NRXN3: variants seen among roughly 807,000 people sequenced by gnomAD.
NRXN3 encodes neurexin 3.
Under a neutral mutation model 137.6 loss-of-function variants are expected in NRXN3, and 32 were observed. The observed-to-expected ratio is 0.23, with a 90% CI of 0.18 to 0.31. NRXN3 has a LOEUF of 0.31. Among genes scored for constraint, NRXN3 ranks in the 10% least tolerant of loss-of-function variants. The pLI is 1.00. For synonymous variants in NRXN3, 798 were observed against 784.5 expected (o/e 1.02, Z -0.29); for missense variants, 1,574 against 2,062.5 (o/e 0.76, Z 4.59).
chr14:78,900,164 C>T (rs2099190836), intron 10 of NRXN3, among the ~76,000 whole-genome samples: 2 of 151,938 alleles, frequency 1.3e-5, no homozygotes, highest in Non-Finnish European at 2.9e-5. Flanking sequence ...TGTTCTGACA[C>T]CATTTTTTAA....
At chr14:79,402,088 ATTTTTTATTTTATTT>A (rs1342683644) in intron 15 of NRXN3, among the ~76,000 whole-genome samples, 1 of 151,648 alleles carries the variant, frequency 6.6e-6, no homozygotes, top group Non-Finnish European at 1.5e-5. Flanking sequence ...GGCTATTTTA[ATTTTTTATTTTATTT>A]TTTTTTATTT....
intron 4 of NRXN3, among the ~76,000 whole-genome samples, chr14:78,350,679 C>T (rs1218247232): frequency 6.6e-6 from 1 of 151,996 alleles, no homozygotes; most frequent in Non-Finnish European, 1.5e-5. Flanking sequence ...AGAAAAATCA[C>T]CCTGGTAACA....
chr14:78,419,073 G>C (rs2093307310), intron 4 of NRXN3, among the ~76,000 whole-genome samples: 1 of 152,144 alleles, frequency 6.6e-6, no homozygotes, highest in African/African-American at 2.4e-5. Flanking sequence ...TTACCCCTCA[G>C]CACCATCTTT....
chr14:79,186,589 A>G (rs940468082), intron 15 of NRXN3, among the ~76,000 whole-genome samples: 5 of 152,224 alleles, frequency 3.3e-5, no homozygotes, highest in Admixed American at 2.0e-4. Flanking sequence ...TCTATCCTTT[A>G]GAAAGAAACT....
chr14:79,438,853 G>A (rs556488425), intron 15 of NRXN3, among the ~76,000 whole-genome samples: 3 of 152,342 alleles, frequency 2.0e-5, no homozygotes, highest in South Asian at 4.1e-4. Context: ...GAGCCTCCAA[G>A]TAGAAGCCCG....
At chr14:78,711,117 G>C (rs2098403525) in intron 7 of NRXN3, among the ~76,000 whole-genome samples, 1 of 151,946 alleles carries the variant, frequency 6.6e-6, no homozygotes, top group Non-Finnish European at 1.5e-5. Flanking sequence ...AAACACTGCT[G>C]TTGGTTTTTA....
At chr14:78,226,295 G>C (rs1210192611) in intron 1 of NRXN3, among the ~76,000 whole-genome samples, 2 of 152,182 alleles carry the variant, frequency 1.3e-5, no homozygotes, top group Admixed American at 1.3e-4. Context: ...GAGCCACCGG[G>C]TCCGGCCCAA....
intron 15 of NRXN3, among the ~76,000 whole-genome samples, chr14:79,365,255 G>A (rs1454297976): frequency 6.6e-6 from 1 of 152,260 alleles, no homozygotes; most frequent in Middle Eastern, 3.4e-3. Flanking sequence ...ACTGCAGACC[G>A]AGAGCAGAAA....
intron 4 of NRXN3, among the ~76,000 whole-genome samples, chr14:78,447,822 C>A (rs75355889): frequency 0.027 from 4,093 of 152,256 alleles, 179 homozygotes; most frequent in African/African-American, 0.086. Flanking sequence ...TTATAGCCTA[C>A]CTTTCTTCAT....
At chr14:79,314,855 C>A (rs2088154611) in intron 15 of NRXN3, among the ~76,000 whole-genome samples, 1 of 150,672 alleles carries the variant, frequency 6.6e-6, no homozygotes. Context: ...GCTGAGGGTC[C>A]TGTCTGTTAG....
chr14:78,720,270 A>G (rs759163682), intron 8 of NRXN3, among the ~76,000 whole-genome samples: 6 of 152,182 alleles, frequency 3.9e-5, no homozygotes, highest in Non-Finnish European at 8.8e-5. Flanking sequence ...CTAGTTGTCT[A>G]CTTGACATCT....
chr14:78,173,437 G>GAC lies in NRXN3; in HGVS notation c.-704+2764_-704+2765dup, dbSNP rs113080819. On this transcript the variant is annotated intron_variant, in intron 1 of 20. Coordinates refer to ENST00000335750, the MANE Select transcript of NRXN3 (RefSeq NM_001330195.2). Reference sequence around the variant, plus strand: ...ATGGAGAGGCAGCGGAGAGATGGGGGACGGGTTGTCAGTCTTGGATGAACA... The same window carrying GAC: ...ATGGAGAGGCAGCGGAGAGATGGGGGACACGGGTTGTCAGTCTTGGATGAACA... Among the ~76,000 whole-genome samples, 1,309 of 151,440 alleles carry GAC rather than the reference G, an allele frequency of 8.6e-3. 19 individuals are homozygous for GAC. The highest frequency in any genetic ancestry group is 0.029 in the African/African-American group (1,182 of 41,384).
intron 6 of NRXN3, among the ~76,000 whole-genome samples, chr14:78,671,169 T>G (rs368884295): frequency 3.9e-5 from 6 of 152,132 alleles, no homozygotes; most frequent in South Asian, 2.1e-4. Context: ...GTAGGAAGTT[T>G]CCAGGTATAT....
intron 15 of NRXN3, among the ~76,000 whole-genome samples, chr14:79,427,061 A>T (rs1364880271): frequency 6.6e-6 from 1 of 152,098 alleles, no homozygotes; most frequent in Non-Finnish European, 1.5e-5. Context: ...TCTGTAAGAG[A>T]TTTAACAGAA....
chr14:78,274,957 G>A (rs2073365728), intron 2 of NRXN3, among the ~76,000 whole-genome samples: 1 of 152,172 alleles, frequency 6.6e-6, no homozygotes, highest in South Asian at 2.1e-4. Flanking sequence ...GGAGTAATGT[G>A]AGCCAGTCCT....
At chr14:79,269,712 A>G (rs1256721113) in intron 15 of NRXN3, among the ~76,000 whole-genome samples, 1 of 152,148 alleles carries the variant, frequency 6.6e-6, no homozygotes, top group Non-Finnish European at 1.5e-5. Flanking sequence ...CAGCCAGCAT[A>G]TTCTTCCCAT....
intron 17 of NRXN3, among the ~76,000 whole-genome samples, chr14:79,691,538 G>C: frequency 6.6e-6 from 1 of 152,160 alleles, no homozygotes; most frequent in Non-Finnish European, 1.5e-5. Context: ...TGGAAAGATA[G>C]TGATATAAAA....
At chr14:79,857,637 A>G (rs1216612236) in intron 20 of NRXN3, among the ~76,000 whole-genome samples, 9 of 152,146 alleles carry the variant, frequency 5.9e-5, no homozygotes, top group Admixed American at 5.2e-4. Flanking sequence ...AATCTTAAAC[A>G]TGGAATTTAA....
At chr14:79,696,209 A>G (rs1304184511) in intron 18 of NRXN3, among the ~76,000 whole-genome samples, 1 of 152,028 alleles carries the variant, frequency 6.6e-6, no homozygotes, top group Non-Finnish European at 1.5e-5. Context: ...AGACCATGTA[A>G]TAGTGGTAGA....
Sources: gnomAD v4.1 joint callset for allele counts (sites outside exome capture counted in the v4.1 genomes callset) on GRCh38, gnomAD v4.1.1 for gene constraint, MANE v1.5 for transcripts, NCBI Gene and HGNC (gene_info 2026-07-23, HGNC 2026-07-21) for gene names.